IGF2BP2: variants seen among roughly 807,000 people sequenced by gnomAD.
IGF2BP2 encodes the protein insulin like growth factor 2 mRNA binding protein 2, also known as insulin-like growth factor 2 mRNA-binding protein 2.
IGF2BP2 carries 17 observed loss-of-function variants against 75.8 expected under a neutral mutation model. The observed-to-expected ratio is 0.22, with a 90% CI of 0.15 to 0.34. IGF2BP2 has a LOEUF of 0.34. Among genes scored for constraint, IGF2BP2 ranks in the 10% least tolerant of loss-of-function variants. IGF2BP2 has a pLI of 1.00. For synonymous variants in IGF2BP2, 288 were observed against 295.6 expected (o/e 0.97, Z 0.26); for missense variants, 516 against 772.4 (o/e 0.67, Z 3.93).
At chr3:185,670,121 GTT>G (rs1718296283) in intron 10 of IGF2BP2, among the ~76,000 whole-genome samples, 1 of 152,064 alleles carries the variant, frequency 6.6e-6, no homozygotes, top group African/African-American at 2.4e-5. Flanking sequence ...GGTTGTTTTT[GTT>G]TTGTTTTTAG....
intron 2 of IGF2BP2, chr3:185,716,781 T>C (rs1296639110): frequency 1.9e-6 from 1 of 519,336 alleles, no homozygotes; most frequent in East Asian, 5.5e-5. Context: ...CATTTCCAGG[T>C]CATGCCTGGT....
rs370374613 is a variant in IGF2BP2, at chr3:185,689,489, G to T, written c.543C>A (p.His181Gln). 1 of 1,613,820 alleles carries T rather than the reference G, an allele frequency of 6.2e-7. No individual in the cohort carries two copies. Among genetic ancestry groups the T allele is most frequent in the Admixed American group, 1.7e-5 (1 of 59,976 alleles). The change falls in exon 6 of 16, where the codon CAC becomes CAA. Residue 181 changes from histidine (H) to glutamine (Q), a missense_variant. Transcript: ENST00000382199. ...TGGCCTGAGAAGTGCCCCCAGGGGCGTGGCCTTGCTCCCGGGAAGAGTGGT... is the reference window on the plus strand; with the variant it reads ...TGGCCTGAGAAGTGCCCCCAGGGGCTTGGCCTTGCTCCCGGGAAGAGTGGT... ...RGDHSSREQG[H>Q]APGGTSQARQ... is the part of the protein sequence containing the mutation.
intron 6 of IGF2BP2, among the ~76,000 whole-genome samples, chr3:185,688,396 G>A (rs1007282973): frequency 1.3e-5 from 2 of 152,212 alleles, no homozygotes; most frequent in African/African-American, 2.4e-5. Context: ...AGGCTGGAGT[G>A]CAGTGGCGCC....
intron 3 of IGF2BP2, among the ~76,000 whole-genome samples, chr3:185,697,492 G>C (rs1279755953): frequency 6.6e-6 from 1 of 152,012 alleles, no homozygotes; most frequent in Non-Finnish European, 1.5e-5. Flanking sequence ...TCTTTGGGTG[G>C]GGAATAAAAT....
chr3:185,697,882 T>G (rs1722788137), intron 3 of IGF2BP2, among the ~76,000 whole-genome samples: 1 of 152,012 alleles, frequency 6.6e-6, no homozygotes, highest in Admixed American at 6.6e-5. Flanking sequence ...CTCAGGAGGC[T>G]GGGGTGGGAA....
chr3:185,755,082 G>A (rs1436750893), intron 2 of IGF2BP2, among the ~76,000 whole-genome samples: 1 of 152,138 alleles, frequency 6.6e-6, no homozygotes, highest in East Asian at 1.9e-4. Flanking sequence ...GACAATGGGG[G>A]AAAAAAGCCT....
At chr3:185,679,489 A>G (rs868480008) in intron 7 of IGF2BP2, among the ~76,000 whole-genome samples, 14 of 152,334 alleles carry the variant, frequency 9.2e-5, no homozygotes, top group Middle Eastern at 3.4e-3. Flanking sequence ...TCTATGTACC[A>G]AAATTACTAC....
At chr3:185,821,701 G>A (rs1249988491) in intron 2 of IGF2BP2, among the ~76,000 whole-genome samples, 1 of 151,796 alleles carries the variant, frequency 6.6e-6, no homozygotes, top group Non-Finnish European at 1.5e-5. Flanking sequence ...AACAGAATTA[G>A]ACATTTATAG....
chr3:185,762,792 T>C (rs914561354), intron 2 of IGF2BP2, among the ~76,000 whole-genome samples: 1 of 152,158 alleles, frequency 6.6e-6, no homozygotes, highest in African/African-American at 2.4e-5. Flanking sequence ...TTCTTAATAA[T>C]AGCAAATGGA....
rs193164045 is a variant in IGF2BP2 at position 185,646,779 on chromosome 3, C to T, written c.1707+246G>A. ...TTGGAACCACATGGCTTTGCTTAAGCGCTTAACTCTTCACTCTTCCCCAAG... is the reference window on the plus strand; with the variant it reads ...TTGGAACCACATGGCTTTGCTTAAGTGCTTAACTCTTCACTCTTCCCCAAG... On this transcript the variant is annotated intron_variant, in intron 15 of 15. Transcript: ENST00000382199. The T allele has an allele frequency of 8.3e-4, 434 of 520,616 alleles. 1 individual carries two copies. The highest frequency in any genetic ancestry group is 2.2e-3 in the Middle Eastern group (4 of 1,858). The allele number at this position is 520,616 out of a possible 1,614,324, so 32.2% of individuals were successfully genotyped here.
chr3:185,757,459 C>CT (rs57417087), intron 2 of IGF2BP2, among the ~76,000 whole-genome samples: 17,865 of 99,676 alleles, frequency 0.18, 2,353 homozygotes, highest in Middle Eastern at 0.28. Flanking sequence ...ATATCTCATA[C>CT]TTTTTTTTTT....
chr3:185,662,402 C>T (rs144119709), intron 10 of IGF2BP2, among the ~76,000 whole-genome samples: 8,008 of 150,578 alleles, frequency 0.053, 226 homozygotes, highest in African/African-American at 0.057. Context: ...TGCTTGAACC[C>T]GGGAGGCGGA....
chr3:185,727,987 A>C (rs532315973), intron 2 of IGF2BP2, among the ~76,000 whole-genome samples: 1 of 152,318 alleles, frequency 6.6e-6, no homozygotes, highest in South Asian at 2.1e-4. Context: ...GTTCAACATT[A>C]ATCAGGTCTG....
intron 10 of IGF2BP2, among the ~76,000 whole-genome samples, chr3:185,660,594 G>A (rs1411998873): frequency 1.3e-5 from 2 of 152,294 alleles, no homozygotes; most frequent in East Asian, 3.9e-4. Flanking sequence ...AGGGGCTGCA[G>A]CAGCCCCTCA....
intron 2 of IGF2BP2, among the ~76,000 whole-genome samples, chr3:185,723,274 G>A (rs943262651): frequency 6.6e-6 from 1 of 152,050 alleles, no homozygotes. Flanking sequence ...TCTATCCCTT[G>A]GAAATGATCA....
intron 2 of IGF2BP2, among the ~76,000 whole-genome samples, chr3:185,778,527 AGTT>A (rs993744166): frequency 8.5e-5 from 13 of 152,204 alleles, no homozygotes; most frequent in Admixed American, 5.9e-4. Flanking sequence ...AAGATCACCT[AGTT>A]AAAAGGCGAA....
chr3:185,782,111 T>C (rs886141679), intron 2 of IGF2BP2, among the ~76,000 whole-genome samples: 9 of 152,174 alleles, frequency 5.9e-5, no homozygotes, highest in African/African-American at 1.9e-4. Flanking sequence ...CGTGACTCAG[T>C]AGAGTAAGAC....
At chr3:185,794,465 G>C (rs192826894) in intron 2 of IGF2BP2, among the ~76,000 whole-genome samples, 1 of 70,666 alleles carries the variant, frequency 1.4e-5, no homozygotes, top group Admixed American at 1.1e-4. Context: ...ACAGCCCAAT[G>C]GGGGATCACA....
Position 185,823,139 on chromosome 3 carries a change from C to T in IGF2BP2, c.239+14G>A, listed in dbSNP as rs1243440183. On this transcript the variant is annotated intron_variant, in intron 2 of 15. Coordinates refer to ENST00000382199, the MANE Select transcript of IGF2BP2 (RefSeq NM_006548.6). ...GGCCAATCGCAAAAAAAAAACTAAGCAAAGTATATTTACCTTAGCTTTTTA... is the reference window on the plus strand; with the variant it reads ...GGCCAATCGCAAAAAAAAAACTAAGTAAAGTATATTTACCTTAGCTTTTTA... 1 of 1,569,984 alleles carries T rather than the reference C, an allele frequency of 6.4e-7. No homozygotes were observed. Among genetic ancestry groups the T allele is most frequent in the Non-Finnish European group, 8.6e-7 (1 of 1,157,510 alleles).
Sources: allele counts gnomAD v4.1 joint callset (sites outside exome capture counted in the v4.1 genomes callset), GRCh38; gene constraint gnomAD v4.1.1; transcripts MANE v1.5; gene names NCBI Gene and HGNC (gene_info 2026-07-23, HGNC 2026-07-21).